Variants in CACHD1 observed in about 807,000 individuals in gnomAD.
CACHD1 encodes VWFA and cache domain-containing protein 1.
CACHD1 carries 71 observed loss-of-function variants against 138.7 expected under a neutral mutation model. The ratio of observed to expected loss-of-function variants is 0.51; its 90% CI spans 0.42 to 0.62. CACHD1 has a LOEUF of 0.62. CACHD1 is among the 20% of genes least tolerant of loss of function. CACHD1 has a pLI of 0.00. For synonymous variants in CACHD1, 578 were observed against 591.5 expected (o/e 0.98, Z 0.33); for missense variants, 1,389 against 1,625.3 (o/e 0.85, Z 2.50).
intron 2 of CACHD1, among the ~76,000 whole-genome samples, chr1:64,572,207 TCTCTC>T (rs775684608): frequency 8.5e-5 from 13 of 152,178 alleles, no homozygotes; most frequent in Non-Finnish European, 1.5e-5. Flanking sequence ...TGGCTCCTGC[TCTCTC>T]CTCTTCCCAA....
intron 4 of CACHD1, 85 bp from the exon 5 acceptor site, chr1:64,629,270 T>C (rs1648218088): frequency 6.9e-7 from 1 of 1,448,094 alleles, no homozygotes; most frequent in African/African-American, 1.4e-5. Context: ...CTAGAAGCAG[T>C]TTATGCAAAA....
intron 1 of CACHD1, among the ~76,000 whole-genome samples, chr1:64,510,153 C>T (rs538403483): frequency 9.2e-5 from 14 of 152,224 alleles, no homozygotes; most frequent in African/African-American, 2.9e-4. Context: ...TGACCAGCTG[C>T]GTGAACCTGA....
In CACHD1 at chr1:64,634,162, G is replaced by C. The variant is rs146287870; in HGVS notation, c.908G>C (p.Ser303Thr). ...AGGAAAATGTCCACCTTTGTTAGCA[G>C]CGTGAAGTCTTCAGACAGTCCTACC... The part of the protein sequence containing the change: ...TKRKMSTFVS[S>T]VKSSDSPTQH... Residue 303 changes from serine to threonine, a missense_variant, in exon 7 of 27, where the codon AGC (serine) becomes ACC (threonine). Around this residue, in one of 5 missense-constraint regions of CACHD1, gnomAD observed 1,000 missense variants for 1,114.7 expected, o/e 0.90. Transcript: ENST00000651257. The C allele has an allele frequency of 1.1e-5, 17 of 1,613,764 alleles. No homozygotes were observed. The highest frequency in any genetic ancestry group is 1.4e-5 in the Non-Finnish European group (16 of 1,179,972).
chr1:64,618,231 T>C (rs1003502885), intron 4 of CACHD1, among the ~76,000 whole-genome samples: 2 of 152,216 alleles, frequency 1.3e-5, no homozygotes, highest in East Asian at 3.8e-4. Flanking sequence ...TCCTGTATCC[T>C]AAGTTATCAG....
At chr1:64,475,158 A>C (rs947188865) in intron 1 of CACHD1, among the ~76,000 whole-genome samples, 2 of 150,316 alleles carry the variant, frequency 1.3e-5, no homozygotes, top group Non-Finnish European at 2.9e-5. Context: ...ACAACAATGC[A>C]CTAAATTCCT....
chr1:64,539,659 C>T (rs961828286), intron 1 of CACHD1, among the ~76,000 whole-genome samples: 4 of 152,180 alleles, frequency 2.6e-5, no homozygotes, highest in Non-Finnish European at 5.9e-5. Context: ...AGGGTCCAAA[C>T]GGGCAAGGAT....
intron 1 of CACHD1, among the ~76,000 whole-genome samples, chr1:64,539,376 A>G (rs1487406877): frequency 6.6e-6 from 1 of 152,178 alleles, no homozygotes; most frequent in South Asian, 2.1e-4. Flanking sequence ...TACCACATGC[A>G]TAAAAGCCAG....
intron 2 of CACHD1, among the ~76,000 whole-genome samples, chr1:64,557,788 A>AATG (rs1553132854): frequency 2.0e-5 from 3 of 150,226 alleles, no homozygotes; most frequent in Non-Finnish European, 4.4e-5. Flanking sequence ...CTTTTTAAAA[A>AATG]ATTATTATTA....
intron 24 of CACHD1, among the ~76,000 whole-genome samples, chr1:64,680,694 A>G (rs555012219): frequency 1.3e-5 from 2 of 152,174 alleles, no homozygotes; most frequent in East Asian, 3.9e-4. Flanking sequence ...GGTGAAGTTA[A>G]CTCATCTTCC....
chr1:64,580,523 A>T (rs1249052653), intron 2 of CACHD1, among the ~76,000 whole-genome samples: 1 of 152,236 alleles, frequency 6.6e-6, no homozygotes, highest in Non-Finnish European at 1.5e-5. Flanking sequence ...CTGGTTAATA[A>T]TTATTTGACT....
intron 22 of CACHD1, 115 bp from the exon 23 acceptor site, chr1:64,678,044 A>C: frequency 9.4e-7 from 1 of 1,064,626 alleles, no homozygotes. Context: ...AAGCTCAAGA[A>C]ATTCACAGCA....
At chr1:64,509,830 T>C (rs1057016048) in intron 1 of CACHD1, among the ~76,000 whole-genome samples, 11 of 152,228 alleles carry the variant, frequency 7.2e-5, no homozygotes, top group African/African-American at 2.7e-4. Flanking sequence ...AGACAATGAT[T>C]CTCAAACGAA....
intron 18 of CACHD1, 23 bp downstream of exon 18, chr1:64,673,280 G>A (rs763194394): frequency 5.0e-6 from 8 of 1,613,382 alleles, no homozygotes; most frequent in African/African-American, 2.7e-5. Context: ...AAGCTGAGCT[G>A]CTCAGTTCTC....
chr1:64,476,008 C>T (rs752422449), intron 1 of CACHD1, among the ~76,000 whole-genome samples: 1 of 152,270 alleles, frequency 6.6e-6, no homozygotes, highest in East Asian at 1.9e-4. Context: ...CATAGAGGAG[C>T]CTTGCCCAAG....
intron 1 of CACHD1, among the ~76,000 whole-genome samples, chr1:64,482,481 T>C (rs1404236934): frequency 6.6e-6 from 1 of 152,202 alleles, no homozygotes; most frequent in Non-Finnish European, 1.5e-5. Context: ...TTTGCCGCTT[T>C]TTCTGCTCCC....
At position 64,651,632 on chromosome 1, in the gene CACHD1, G is replaced by GT. The variant is rs982417555; in HGVS notation, c.1391-528dup. ...ATCGCACCACTGCATTCCAACCTGG[G>GT]TGACAGAGTGAGACCTCATCTCGAA... is the stretch of plus-strand genomic sequence containing the variant. On this transcript the variant is annotated intron_variant, in intron 9 of 26. Coordinates refer to ENST00000651257, the MANE Select transcript of CACHD1 (RefSeq NM_020925.4). Among the ~76,000 whole-genome samples, 51 of 152,172 alleles carry GT rather than the reference G, an allele frequency of 3.4e-4. 1 individual carries two copies. Among genetic ancestry groups the GT allele is most frequent in the African/African-American group, 1.2e-3 (48 of 41,508 alleles).
At chr1:64,653,965 T>C in intron 11 of CACHD1, 84 bp downstream of exon 11, 4 of 1,161,320 alleles carry the variant, frequency 3.4e-6, no homozygotes, top group Non-Finnish European at 3.6e-6. Flanking sequence ...TACTACAGAG[T>C]ATAAAACAAG....
intron 2 of CACHD1, among the ~76,000 whole-genome samples, chr1:64,575,001 C>T (rs1570381127): frequency 6.6e-6 from 1 of 152,284 alleles, no homozygotes; most frequent in Non-Finnish European, 1.5e-5. Flanking sequence ...CAGTTTATTA[C>T]TTATAGCTTT....
At chr1:64,540,631 T>C (rs1317530322) in intron 1 of CACHD1, among the ~76,000 whole-genome samples, 1 of 152,224 alleles carries the variant, frequency 6.6e-6, no homozygotes, top group Non-Finnish European at 1.5e-5. Flanking sequence ...CTTTGTTCTC[T>C]GGGTTCATGT....
Sources: gnomAD v4.1 joint callset for allele counts (sites outside exome capture counted in the v4.1 genomes callset) on GRCh38, gnomAD v4.1.1 for gene constraint, gnomAD v4.1.1 regional missense constraint, MANE v1.5 for transcripts, NCBI Gene and HGNC (gene_info 2026-07-23, HGNC 2026-07-21) for gene names.